Variants in RIMS1 observed in about 807,000 individuals in gnomAD.
The protein encoded by RIMS1 is regulating synaptic membrane exocytosis 1.
RIMS1 carries 83 observed loss-of-function variants against 214.1 expected under a neutral mutation model. That is an observed-to-expected ratio of 0.39 (90% CI 0.32 to 0.47). RIMS1 has a LOEUF of 0.47. Among genes scored for constraint, RIMS1 ranks in the 20% least tolerant of loss-of-function variants. RIMS1 has a pLI of 0.99. For missense variants in RIMS1, 2,050 were observed against 2,161.8 expected (o/e 0.95, Z 1.03); for synonymous variants, 793 against 786.8 (o/e 1.01, Z -0.13).
At chr6:72,388,846 TGTG>T (rs2098656758) in intron 29 of RIMS1, among the ~76,000 whole-genome samples, 1 of 152,114 alleles carries the variant, frequency 6.6e-6, no homozygotes, top group Non-Finnish European at 1.5e-5. Context: ...GAGGTGGTAG[TGTG>T]GTGGAGGTGG....
chr6:72,331,814 G>C (rs1009087887), intron 28 of RIMS1, among the ~76,000 whole-genome samples: 1 of 151,776 alleles, frequency 6.6e-6, no homozygotes, highest in African/African-American at 2.4e-5. Context: ...AAACTGACTG[G>C]AATAAGTTGA....
intron 2 of RIMS1, among the ~76,000 whole-genome samples, chr6:71,982,182 T>C (rs1008401770): frequency 6.6e-6 from 1 of 152,182 alleles, no homozygotes; most frequent in Non-Finnish European, 1.5e-5. Flanking sequence ...CCACCATCTA[T>C]TATCCTTTGA....
chr6:72,084,861 T>C (rs963511805), intron 2 of RIMS1, among the ~76,000 whole-genome samples: 1 of 152,110 alleles, frequency 6.6e-6, no homozygotes, highest in African/African-American at 2.4e-5. Flanking sequence ...TTTTTAACAA[T>C]GCTAAATGGG....
At chr6:72,263,995 A>G (rs2079275356) in intron 19 of RIMS1, 1 of 692,932 alleles carries the variant, frequency 1.4e-6, no homozygotes, top group African/African-American at 1.9e-5. Flanking sequence ...CTCTGTCTCA[A>G]AAAAGAAAAG....
At chr6:72,384,515 C>T (rs1441162760) in intron 29 of RIMS1, among the ~76,000 whole-genome samples, 4 of 152,114 alleles carry the variant, frequency 2.6e-5, no homozygotes, top group African/African-American at 9.7e-5. Context: ...GACACACTTA[C>T]TTCTTCTGAT....
At chr6:71,909,078 C>A (rs928677710) in intron 1 of RIMS1, among the ~76,000 whole-genome samples, 1 of 152,148 alleles carries the variant, frequency 6.6e-6, no homozygotes, top group African/African-American at 2.4e-5. Context: ...CAAACTCTGC[C>A]TTCCGGGTTG....
At chr6:72,033,306 G>A (rs886276435) in intron 2 of RIMS1, among the ~76,000 whole-genome samples, 5 of 152,312 alleles carry the variant, frequency 3.3e-5, no homozygotes, top group Admixed American at 6.5e-5. Context: ...GGGGTTATGC[G>A]TGGGCATCTT....
chr6:72,025,708 C>G (rs1479882098), intron 2 of RIMS1, among the ~76,000 whole-genome samples: 1 of 152,164 alleles, frequency 6.6e-6, no homozygotes, highest in Admixed American at 6.5e-5. Flanking sequence ...TGTCTCCCAA[C>G]AACTATAATC....
chr6:72,194,330 T>C (rs1463274847), intron 6 of RIMS1, among the ~76,000 whole-genome samples: 2 of 152,156 alleles, frequency 1.3e-5, no homozygotes, highest in African/African-American at 4.8e-5. Context: ...CAGTTACACA[T>C]ATAAGTTAAA....
rs1583157562 is a variant in RIMS1 at position 71,942,956 on chromosome 6, A to G, written c.165-26027A>G. 2.6e-5 allele frequency among the ~76,000 whole-genome samples: 4 copies of G among 152,182 alleles called. No individual in the cohort carries two copies. In the South Asian group the frequency reaches 8.3e-4, roughly 32 times the overall value. On this transcript the variant is annotated intron_variant, in intron 1 of 33. Transcript: ENST00000521978. ...TTAACGACTTGTGCTTTAAAAAGGG[A>G]AAATGAGTACTAAAAGGGAAAGACA...
chr6:72,037,451 A>C (rs534642491), intron 2 of RIMS1, among the ~76,000 whole-genome samples: 1 of 152,296 alleles, frequency 6.6e-6, no homozygotes, highest in South Asian at 2.1e-4. Context: ...AAGTTAAATA[A>C]GAGCAGTAAC....
intron 29 of RIMS1, among the ~76,000 whole-genome samples, chr6:72,351,041 G>A (rs1039820633): frequency 2.7e-4 from 41 of 151,822 alleles, no homozygotes; most frequent in African/African-American, 8.9e-4. Flanking sequence ...ATAATTGTGA[G>A]AATTAAATAC....
At chr6:71,918,345 A>G (rs554171794) in intron 1 of RIMS1, among the ~76,000 whole-genome samples, 1 of 152,246 alleles carries the variant, frequency 6.6e-6, no homozygotes, top group South Asian at 2.1e-4. Context: ...GGTAGAATTA[A>G]CTAATCCTGC....
At chr6:72,182,252 T>C (rs1471323269) in intron 5 of RIMS1, 32 bp from the exon 6 acceptor site, 13 of 1,524,904 alleles carry the variant, frequency 8.5e-6, no homozygotes, top group Middle Eastern at 3.8e-4. Context: ...CTTTATAAAT[T>C]GCTCTCCTTG....
chr6:72,074,436 G>C (rs1831300370), intron 2 of RIMS1, among the ~76,000 whole-genome samples: 1 of 152,160 alleles, frequency 6.6e-6, no homozygotes, highest in South Asian at 2.1e-4. Context: ...GTCTGAGGTG[G>C]GTGGATCACT....
At chr6:72,393,191 T>G (rs1008265732) in intron 31 of RIMS1, among the ~76,000 whole-genome samples, 9 of 151,328 alleles carry the variant, frequency 5.9e-5, no homozygotes, top group Non-Finnish European at 1.5e-5. Context: ...ACCAAAAAAG[T>G]TAGTATTTTA....
At chr6:72,049,020 G>A (rs1401449364) in intron 2 of RIMS1, among the ~76,000 whole-genome samples, 2 of 152,184 alleles carry the variant, frequency 1.3e-5, no homozygotes, top group Admixed American at 6.5e-5. Context: ...TGCTGATGCA[G>A]AGGACTCAGA....
intron 2 of RIMS1, among the ~76,000 whole-genome samples, chr6:72,084,458 G>A (rs193139547): frequency 7.0e-4 from 106 of 152,188 alleles, no homozygotes; most frequent in African/African-American, 2.5e-3. Context: ...GAGGTTTTCA[G>A]TTTCAGACCT....
At chr6:72,339,884 A>G (rs889977290) in intron 29 of RIMS1, among the ~76,000 whole-genome samples, 3 of 151,914 alleles carry the variant, frequency 2.0e-5, no homozygotes, top group Admixed American at 6.6e-5. Flanking sequence ...TGGTTGAACT[A>G]GTTTACAGTC....
Sources: allele counts gnomAD v4.1 joint callset (sites outside exome capture counted in the v4.1 genomes callset), GRCh38; gene constraint gnomAD v4.1.1; transcripts MANE v1.5; gene names NCBI Gene and HGNC (gene_info 2026-07-23, HGNC 2026-07-21).